RTN3: variants seen among roughly 807,000 people sequenced by gnomAD.
RTN3 encodes reticulon 3.
A neutral mutation model predicts 77.8 loss-of-function variants in RTN3; 49 were observed. That is an observed-to-expected ratio of 0.63 (90% CI 0.50 to 0.80). The LOEUF (loss-of-function observed/expected upper bound fraction) is 0.80. Among genes scored for constraint, RTN3 ranks in the 30% least tolerant of loss-of-function variants. The pLI is 0.00. For missense variants in RTN3, 1,236 were observed against 1,211.9 expected (o/e 1.02, Z -0.29); for synonymous variants, 464 against 446.9 (o/e 1.04, Z -0.48).
At chr11:63,742,561 G>A (rs530897389) in intron 3 of RTN3, among the ~76,000 whole-genome samples, 5 of 151,980 alleles carry the variant, frequency 3.3e-5, no homozygotes, top group South Asian at 4.2e-4. Flanking sequence ...CAGGAGAGTC[G>A]CTTGAACCTG....
At chr11:63,747,325 A>G (rs887055503) in intron 3 of RTN3, among the ~76,000 whole-genome samples, 1 of 152,190 alleles carries the variant, frequency 6.6e-6, no homozygotes, top group Non-Finnish European at 1.5e-5. Flanking sequence ...TTGAACTCTG[A>G]CTATAGGAAT....
At chr11:63,686,470 CAAAAAAAAAAA>C (rs11364347) in intron 1 of RTN3, among the ~76,000 whole-genome samples, 3 of 92,568 alleles carry the variant, frequency 3.2e-5, no homozygotes, top group African/African-American at 8.0e-5. Flanking sequence ...GACTCCGTCT[CAAAAAAAAAAA>C]AAAAAAAAAG....
chr11:63,719,424 T>C lies in RTN3; in HGVS notation c.922T>C (p.Ser308Pro), dbSNP rs748728674. The change falls in exon 3 of 9, where the codon TCT becomes CCT. Residue 308 changes from serine (S) to proline (P), a missense_variant. By Grantham distance (74) the Ser-to-Pro change is moderately conservative. Around this residue, in one of 3 missense-constraint regions of RTN3, gnomAD observed 1,056 missense variants for 990.4 expected, o/e 1.07. Coordinates refer to ENST00000377819, the MANE Select transcript of RTN3 (RefSeq NM_001265589.2). The stretch of plus-strand genomic sequence containing the variant: ...TAAAGAGGCAGGACGTTACCCAATG[T>C]CTGCATTGCTCAGTAGGCAGTTTTC... The part of the protein sequence containing the change: ...RNKEAGRYPM[S>P]ALLSRQFSHT... The C allele has an allele frequency of 1.7e-5, 28 of 1,614,022 alleles. No homozygotes were observed. The highest frequency in any genetic ancestry group is 2.7e-5 in the African/African-American group (2 of 74,918).
At chr11:63,727,814 G>A (rs1344185438) in intron 3 of RTN3, among the ~76,000 whole-genome samples, 2 of 152,108 alleles carry the variant, frequency 1.3e-5, no homozygotes, top group East Asian at 1.9e-4. Flanking sequence ...AGTCCTAGCA[G>A]GAGAGGAAAG....
At chr11:63,755,935 G>C (rs1476192904) in intron 7 of RTN3, among the ~76,000 whole-genome samples, 177 bp from the exon 8 acceptor site, 1 of 151,920 alleles carries the variant, frequency 6.6e-6, no homozygotes, top group Non-Finnish European at 1.5e-5. Context: ...CTCCACCCTG[G>C]GCGAGAGCGA....
Position 63,719,125 on chromosome 11 carries a change from T to C in RTN3, c.623T>C (p.Leu208Pro), listed in dbSNP as rs1223206319. Reference sequence around the variant, plus strand: ...GATGCTGATGACAGATTCACTTTGCTGACAGCCCAGAAACCACCTACTGAG... The same window carrying C: ...GATGCTGATGACAGATTCACTTTGCCGACAGCCCAGAAACCACCTACTGAG... ...ALDADDRFTL[L>P]TAQKPPTEYS... Residue 208 changes from leucine to proline, a missense_variant, in exon 3 of 9, where the codon CTG (leucine) becomes CCG (proline). Leu to Pro is a moderately conservative substitution (Grantham distance 98). Transcript: ENST00000377819. 6.2e-7 allele frequency: 1 copy of C among 1,614,204 alleles called. No individual in the cohort carries two copies. The highest frequency in any genetic ancestry group is 8.5e-7 in the Non-Finnish European group (1 of 1,180,036).
intron 3 of RTN3, 64 bp downstream of exon 3, chr11:63,721,096 C>G (rs2011758858): frequency 7.1e-7 from 1 of 1,413,658 alleles, no homozygotes; most frequent in Non-Finnish European, 9.6e-7. Flanking sequence ...ATCAGCGTGC[C>G]ATTTATGTTA....
intron 3 of RTN3, among the ~76,000 whole-genome samples, chr11:63,736,443 T>G (rs185279110): frequency 6.6e-6 from 1 of 152,192 alleles, no homozygotes; most frequent in African/African-American, 2.4e-5. Context: ...ATCCCAGCAC[T>G]TTAGGAGGCT....
At chr11:63,757,846 C>T (rs952498808) in intron 8 of RTN3, among the ~76,000 whole-genome samples, 33 of 151,756 alleles carry the variant, frequency 2.2e-4, no homozygotes, top group African/African-American at 6.5e-4. Flanking sequence ...TCACCTGCCT[C>T]AGCCTCCTGA....
At chr11:63,687,567 G>A (rs938774544) in intron 1 of RTN3, among the ~76,000 whole-genome samples, 4 of 150,864 alleles carry the variant, frequency 2.7e-5, no homozygotes, top group African/African-American at 9.8e-5. Flanking sequence ...CCAAGATAGC[G>A]CCATTGCACT....
At chr11:63,701,419 T>C (rs1157285479) in intron 1 of RTN3, among the ~76,000 whole-genome samples, 1 of 152,142 alleles carries the variant, frequency 6.6e-6, no homozygotes, top group African/African-American at 2.4e-5. Context: ...AGCTAAAAAG[T>C]CCCATATTTT....
chr11:63,702,080 T>G (rs914926052), intron 1 of RTN3, among the ~76,000 whole-genome samples: 5 of 152,226 alleles, frequency 3.3e-5, no homozygotes, highest in African/African-American at 1.2e-4. Context: ...AGCCCTGTCC[T>G]TTAAAGCAAT....
At chr11:63,750,953 C>T (rs1191661088) in intron 4 of RTN3, among the ~76,000 whole-genome samples, 1 of 151,664 alleles carries the variant, frequency 6.6e-6, no homozygotes, top group Admixed American at 6.6e-5. Context: ...AGGATGGTCT[C>T]GAACTCCTGA....
chr11:63,746,923 T>C (rs1342240038), intron 3 of RTN3: 2 of 455,630 alleles, frequency 4.4e-6, no homozygotes, highest in East Asian at 1.4e-4. Flanking sequence ...GATGTCTTTA[T>C]AGCTGTGTTT....
chr11:63,694,751 C>T (rs1320147871), intron 1 of RTN3, among the ~76,000 whole-genome samples: 1 of 152,208 alleles, frequency 6.6e-6, no homozygotes, highest in Admixed American at 6.5e-5. Context: ...AGCCAGCGCG[C>T]CCAACCTTTA....
At chr11:63,724,334 T>C (rs1369014371) in intron 3 of RTN3, among the ~76,000 whole-genome samples, 16 of 139,568 alleles carry the variant, frequency 1.1e-4, no homozygotes, top group East Asian at 4.5e-4. Context: ...GGGCGCCTGC[T>C]ACCACGCCCG....
At chr11:63,701,266 A>G (rs117659686) in intron 1 of RTN3, among the ~76,000 whole-genome samples, 2,627 of 152,078 alleles carry the variant, frequency 0.017, 38 homozygotes, top group Middle Eastern at 0.051. Context: ...AGAATGTCAT[A>G]TAGTTGGACT....
At chr11:63,725,432 C>CTT (rs552733896) in intron 3 of RTN3, among the ~76,000 whole-genome samples, 5 of 146,284 alleles carry the variant, frequency 3.4e-5, no homozygotes, top group South Asian at 4.3e-4. Context: ...TAACATTCTT[C>CTT]TTTTTTTTTT....
chr11:63,701,071 A>G (rs1236785974), intron 1 of RTN3, among the ~76,000 whole-genome samples: 2 of 144,334 alleles, frequency 1.4e-5, no homozygotes, highest in Non-Finnish European at 3.0e-5. Flanking sequence ...TCCTGGTGAC[A>G]GAGCGAGACT....
Sources: allele counts gnomAD v4.1 joint callset (sites outside exome capture counted in the v4.1 genomes callset), GRCh38; gene constraint gnomAD v4.1.1; regional missense constraint gnomAD v4.1.1; transcripts MANE v1.5; gene names NCBI Gene and HGNC (gene_info 2026-07-23, HGNC 2026-07-21).